The following KAZN variants were observed in gnomAD, a reference collection of about 807,000 sequenced individuals.
KAZN encodes the protein kazrin.
A neutral mutation model predicts 87.4 loss-of-function variants in KAZN; 40 were observed. The observed-to-expected ratio is 0.46, with a 90% CI of 0.36 to 0.60. KAZN has a LOEUF of 0.60. Ranked by LOEUF, KAZN falls within the 20% of genes least tolerant of loss-of-function variation. The pLI is 0.00. For synonymous variants in KAZN, 466 were observed against 458.3 expected, an observed-to-expected ratio of 1.02 and a Z score of -0.22; for missense variants, 898 against 1,073.9, an observed-to-expected ratio of 0.84 and a Z score of 2.29.
At chr1:14,865,777 T>C (rs137877094) in intron 1 of KAZN, among the ~76,000 whole-genome samples, 1 of 152,300 alleles carries the variant, frequency 6.6e-6, no homozygotes, top group African/African-American at 2.4e-5. Flanking sequence ...TAAGATTTAC[T>C]GGAATAGGGT....
chr1:14,437,238 C>G (rs1557721154), intron 2 of KAZN, among the ~76,000 whole-genome samples: 1 of 152,134 alleles, frequency 6.6e-6, no homozygotes, highest in East Asian at 1.9e-4. Flanking sequence ...ACCCTGACTC[C>G]CACTCATCCC....
chr1:14,374,909 G>C (rs190978268), intron 2 of KAZN, among the ~76,000 whole-genome samples: 1 of 152,114 alleles, frequency 6.6e-6, no homozygotes, highest in Non-Finnish European at 1.5e-5. Context: ...AACCAAGAGC[G>C]ATCACACAAG....
chr1:14,143,290 G>C (rs1645279001), intron 1 of KAZN, among the ~76,000 whole-genome samples: 1 of 152,240 alleles, frequency 6.6e-6, no homozygotes, highest in East Asian at 1.9e-4. Context: ...TAATCCCTGA[G>C]GCTTGACATG....
At chr1:14,511,015 T>A (rs76905377) in intron 2 of KAZN, among the ~76,000 whole-genome samples, 1 of 152,086 alleles carries the variant, frequency 6.6e-6, no homozygotes, top group Admixed American at 6.5e-5. Context: ...TTGGTGGCCA[T>A]TGGTGATCCT....
intron 2 of KAZN, among the ~76,000 whole-genome samples, chr1:14,361,022 G>A (rs1011019319): frequency 6.6e-6 from 1 of 152,226 alleles, no homozygotes; most frequent in Non-Finnish European, 1.5e-5. Context: ...GTTTAAGTCT[G>A]CTGAAGCTGC....
Position 15,110,521 on chromosome 1 carries a change from GTA to G in KAZN, c.2049-1904_2049-1903del, listed in dbSNP as rs1557807272. ...TGTGTGTGTATTTGTGTGTTTGTGT[GTA>G]TGTGTTTGTGTGTGTGCATATGTGT... On this transcript the variant is annotated intron_variant, in intron 13 of 14. Transcript: ENST00000376030. Among the ~76,000 whole-genome samples the G allele has an allele frequency of 5.8e-5, 7 of 119,900 alleles. No individual in the cohort carries two copies. In the South Asian group the frequency reaches 8.6e-4, roughly 15 times the overall value. 78.7% of individuals were successfully genotyped at this position (119,900 alleles called of 152,430 possible). A position where few individuals can be genotyped will look rare whatever the true frequency, so the allele number is the denominator to read the frequency against.
intron 1 of KAZN, among the ~76,000 whole-genome samples, chr1:14,161,591 C>T (rs1202854913): frequency 2.6e-5 from 4 of 152,166 alleles, no homozygotes; most frequent in East Asian, 1.9e-4. Context: ...CTATCCCAGA[C>T]GTCAAATGGA....
chr1:15,084,269 T>C (rs1640144953), intron 8 of KAZN, among the ~76,000 whole-genome samples: 1 of 152,180 alleles, frequency 6.6e-6, no homozygotes, highest in Admixed American at 6.5e-5. Flanking sequence ...GGCAATCACT[T>C]TGTGGCAGGG....
intron 4 of KAZN, among the ~76,000 whole-genome samples, chr1:15,046,242 G>C (rs1372976812): frequency 6.7e-6 from 1 of 148,174 alleles, no homozygotes; most frequent in Non-Finnish European, 1.5e-5. Flanking sequence ...AGGTTGCAGT[G>C]AGCCAAGGTC....
intron 8 of KAZN, among the ~76,000 whole-genome samples, chr1:15,073,275 T>C (rs1206992746): frequency 6.6e-6 from 1 of 152,166 alleles, no homozygotes; most frequent in African/African-American, 2.4e-5. Flanking sequence ...CCAGGCCCCA[T>C]CCTGTAGCTA....
intron 1 of KAZN, among the ~76,000 whole-genome samples, chr1:14,871,190 C>T (rs1365642062): frequency 6.6e-6 from 1 of 152,178 alleles, no homozygotes; most frequent in Admixed American, 6.6e-5. Context: ...CACCTCCTCA[C>T]GATGCTGGAA....
intron 2 of KAZN, among the ~76,000 whole-genome samples, chr1:14,543,042 G>A (rs1557788399): frequency 2.6e-5 from 4 of 152,130 alleles, no homozygotes; most frequent in Admixed American, 1.3e-4. Flanking sequence ...GTTATTGGCT[G>A]GCCAATAGCA....
intron 2 of KAZN, among the ~76,000 whole-genome samples, chr1:14,475,822 C>T (rs576800397): frequency 1.3e-5 from 2 of 151,576 alleles, no homozygotes; most frequent in Admixed American, 6.6e-5. Flanking sequence ...ATCTTTTTTA[C>T]GCTAAATAAT....
intron 1 of KAZN, among the ~76,000 whole-genome samples, chr1:14,108,962 G>C (rs1225016605): frequency 6.6e-6 from 1 of 152,160 alleles, no homozygotes; most frequent in African/African-American, 2.4e-5. Context: ...TTAAAAAATC[G>C]TGTGTATGAG....
chr1:14,569,568 C>T (rs530252557), intron 2 of KAZN, among the ~76,000 whole-genome samples: 1 of 151,666 alleles, frequency 6.6e-6, no homozygotes, highest in East Asian at 2.0e-4. Flanking sequence ...AAGATCTGCC[C>T]GCCTCGGCCT....
intron 2 of KAZN, among the ~76,000 whole-genome samples, chr1:14,188,335 A>C (rs1646355174): frequency 1.3e-5 from 2 of 151,920 alleles, no homozygotes; most frequent in African/African-American, 4.8e-5. Flanking sequence ...AGCTCCCCTG[A>C]GATGTTGCAA....
intron 2 of KAZN, among the ~76,000 whole-genome samples, chr1:14,281,446 T>C (rs1458747561): frequency 6.6e-6 from 1 of 152,204 alleles, no homozygotes; most frequent in East Asian, 1.9e-4. Flanking sequence ...ACACTGCCCC[T>C]GTAAGGTCAA....
At chr1:14,302,462 GAGA>G (rs1191401452) in intron 2 of KAZN, among the ~76,000 whole-genome samples, 1 of 152,144 alleles carries the variant, frequency 6.6e-6, no homozygotes, top group African/African-American at 2.4e-5. Flanking sequence ...AAGATGAGTC[GAGA>G]TATGTGTCAA....
chr1:14,261,335 A>C (rs1216990860), intron 2 of KAZN, among the ~76,000 whole-genome samples: 1 of 152,202 alleles, frequency 6.6e-6, no homozygotes, highest in East Asian at 1.9e-4. Flanking sequence ...CAGAGGAATA[A>C]ATCAGGAAAT....
Sources: allele counts gnomAD v4.1 joint callset (sites outside exome capture counted in the v4.1 genomes callset), GRCh38; gene constraint gnomAD v4.1.1; transcripts MANE v1.5; gene names NCBI Gene and HGNC (gene_info 2026-07-23, HGNC 2026-07-21).